ZNF208: variants seen among roughly 807,000 people sequenced by gnomAD.
ZNF208 encodes zinc finger protein 95.
Under a neutral mutation model 12.1 loss-of-function variants are expected in ZNF208, and 10 were observed. The ratio of observed to expected loss-of-function variants is 0.83; its 90% confidence interval spans 0.51 to 1.40. The LOEUF is 1.40. ZNF208 is among the 40% of genes most tolerant of loss of function. The pLI, the probability that ZNF208 is intolerant of heterozygous loss-of-function variation, is 0.00. For synonymous variants in ZNF208, 497 were observed against 488.4 expected (o/e 1.02, Z -0.23); for missense variants, 1,652 against 1,485.0 (o/e 1.11, Z -1.85).
chr19:22,004,909 C>T (rs1226930977), intron 1 of ZNF208, among the ~76,000 whole-genome samples: 1 of 152,076 alleles, frequency 6.6e-6, no homozygotes, highest in East Asian at 1.9e-4. Flanking sequence ...CCTGAACCAA[C>T]CAAAAATAAA....
Position 21,970,562 on chromosome 19 carries a change from G to C in ZNF208, c.*629C>G. On this transcript the variant is annotated 3_prime_UTR_variant, in exon 4 of 4. Transcript: ENST00000397126. ...GTATGAATTCTTTTATGAGTAGTAA[G>C]GTGTGAGGACCAGTTGAAGTCTTTA... 1.4e-6 allele frequency: 1 copy of C among 698,728 alleles called. No homozygotes were observed. Among genetic ancestry groups the C allele is most frequent in the Non-Finnish European group, 2.4e-6 (1 of 416,026 alleles). The allele number at this position is 698,728 out of a possible 1,614,324, so 43.3% of individuals were successfully genotyped here.
intron 2 of ZNF208, among the ~76,000 whole-genome samples, chr19:21,988,092 C>T (rs867531196): frequency 2.0e-5 from 3 of 152,098 alleles, no homozygotes; most frequent in Middle Eastern, 3.4e-3. Context: ...CCTAGTAATA[C>T]TGAATTAAAA....
rs967912867 is a variant in ZNF208, at chr19:21,969,754, A to G, written c.*1437T>C. Among the ~76,000 whole-genome samples, 37 of 152,186 alleles carry G rather than the reference A, an allele frequency of 2.4e-4. No homozygotes were observed. The highest frequency in any genetic ancestry group is 4.4e-4 in the Non-Finnish European group (30 of 68,038). On this transcript the variant is annotated 3_prime_UTR_variant, in exon 4 of 4. Coordinates refer to ENST00000397126, the MANE Select transcript of ZNF208 (RefSeq NM_007153.3). ...ATGTACTACAACCCTCTTAATATTT[A>G]TAATGTGTTTCCTCAAAATAAATAT... is the stretch of plus-strand genomic sequence containing the variant.
chr19:21,948,971 T>C (rs1969854465), intron 4 of ZNF208, among the ~76,000 whole-genome samples: 1 of 152,202 alleles, frequency 6.6e-6, no homozygotes. Flanking sequence ...CTTCCTGATG[T>C]GCATATTAGA....
chr19:22,009,911 C>A (rs554413855), intron 1 of ZNF208, among the ~76,000 whole-genome samples: 7 of 152,280 alleles, frequency 4.6e-5, no homozygotes, highest in South Asian at 2.1e-4. Context: ...CAAGGCCGGG[C>A]GCGGTGGCTT....
intron 4 of ZNF208, among the ~76,000 whole-genome samples, chr19:21,945,755 G>A (rs1297364503): frequency 1.3e-5 from 2 of 152,120 alleles, no homozygotes; most frequent in Non-Finnish European, 2.9e-5. Context: ...TAAAACTAAA[G>A]CATGTTTTCA....
intron 1 of ZNF208, among the ~76,000 whole-genome samples, chr19:21,990,308 C>A: frequency 6.6e-6 from 1 of 152,150 alleles, no homozygotes; most frequent in Non-Finnish European, 1.5e-5. Context: ...ATATGGCTAG[C>A]CAGTTTTCCC....
chr19:21,950,216 T>G (rs1969869354), intron 4 of ZNF208, among the ~76,000 whole-genome samples: 1 of 152,192 alleles, frequency 6.6e-6, no homozygotes, highest in Non-Finnish European at 1.5e-5. Context: ...AAACTTGTTT[T>G]CCTGGAAGAG....
chr19:21,948,125 TC>T (rs1407676075), intron 4 of ZNF208, among the ~76,000 whole-genome samples: 1 of 152,122 alleles, frequency 6.6e-6, no homozygotes, highest in African/African-American at 2.4e-5. Context: ...AAGCCTTGTC[TC>T]CCCTTTTTCT....
intron 3 of ZNF208, among the ~76,000 whole-genome samples, chr19:21,977,194 A>G (rs920678849): frequency 3.3e-5 from 5 of 152,238 alleles, no homozygotes; most frequent in African/African-American, 1.2e-4. Context: ...ATACTGACAG[A>G]ATAGAAGAAA....
At chr19:21,942,482 T>C (rs925572681) in intron 4 of ZNF208, among the ~76,000 whole-genome samples, 1 of 152,204 alleles carries the variant, frequency 6.6e-6, no homozygotes, top group African/African-American at 2.4e-5. Flanking sequence ...CTCTTCTTGC[T>C]AATCCCATAG....
intron 4 of ZNF208, among the ~76,000 whole-genome samples, chr19:21,958,339 A>G (rs1448188568): frequency 2.0e-5 from 3 of 152,184 alleles, no homozygotes; most frequent in African/African-American, 7.2e-5. Context: ...TCATCAAAAA[A>G]AGATAGGGAT....
rs532512751 is a variant in ZNF208 at position 21,991,889 on chromosome 19, A to AT, written c.4-2981dup. On this transcript the variant is annotated intron_variant, in intron 1 of 3. Transcript: ENST00000397126. ...CAAGCTAGAGATCCTGTTAATGCAG[A>AT]TTTTTTTTTTCCAGAAGATCTGAGA... Among the ~76,000 whole-genome samples, 72 of 150,722 alleles carry AT rather than the reference A, an allele frequency of 4.8e-4. No homozygotes were observed. In the South Asian group the frequency reaches 0.012, roughly 24 times the overall value.
At chr19:21,963,537 A>G (rs1211295659), downstream of ZNF208, among the ~76,000 whole-genome samples, 2 of 152,034 alleles carry the variant, frequency 1.3e-5, no homozygotes, top group Non-Finnish European at 2.9e-5. Context: ...ATGGGCAAAA[A>G]AAGGTGCTGA....
intron 4 of ZNF208, chr19:21,940,533 C>T (rs1325776820): frequency 6.6e-6 from 1 of 152,154 alleles, no homozygotes; most frequent in Non-Finnish European, 1.5e-5. Context: ...AAAAGAAAAA[C>T]TGAAAACTCG....
At position 21,970,612 on chromosome 19, in the gene ZNF208, T is replaced by A; in HGVS notation, c.*579A>T. On this transcript the variant is annotated 3_prime_UTR_variant, in exon 4 of 4. Coordinates refer to ENST00000397126, the MANE Select transcript of ZNF208 (RefSeq NM_007153.3). ...ATCACATTCTTCACATTTGTAGGGC[T>A]TCTCACCAGTATGAATTCTCTTATG... 1.1e-6 allele frequency: 1 copy of A among 916,250 alleles called. No individual in the cohort carries two copies. The highest frequency in any genetic ancestry group is 1.3e-5 in the South Asian group (1 of 76,440). The allele number at this position is 916,250 out of a possible 1,614,324, so 56.8% of individuals were successfully genotyped here. A position where few individuals can be genotyped will look rare whatever the true frequency, so the allele number is the denominator to read the frequency against.
chr19:21,951,982 G>C (rs1360564704), intron 4 of ZNF208, among the ~76,000 whole-genome samples: 13 of 152,208 alleles, frequency 8.5e-5, no homozygotes, highest in Admixed American at 8.5e-4. Flanking sequence ...GCAACCAGTA[G>C]ACAAGAAGAT....
chr19:21,954,254 C>A (rs779195500), intron 4 of ZNF208, among the ~76,000 whole-genome samples: 2 of 152,222 alleles, frequency 1.3e-5, no homozygotes, highest in East Asian at 1.9e-4. Context: ...TTACTTCCAA[C>A]TATGTGGTCA....
intron 3 of ZNF208, among the ~76,000 whole-genome samples, chr19:21,979,350 G>T (rs1050836748): frequency 2.4e-4 from 36 of 152,170 alleles, no homozygotes; most frequent in African/African-American, 8.4e-4. Flanking sequence ...ACCCATAAAG[G>T]GAAGCCCATC....
Sources: allele counts gnomAD v4.1 joint callset (sites outside exome capture counted in the v4.1 genomes callset), GRCh38; gene constraint gnomAD v4.1.1; transcripts MANE v1.5; gene names NCBI Gene and HGNC (gene_info 2026-07-23, HGNC 2026-07-21).